Variants in HCN1 observed in about 807,000 individuals in gnomAD.
HCN1 encodes potassium/sodium hyperpolarization-activated cyclic nucleotide-gated channel 1.
Under a neutral mutation model 78.9 loss-of-function variants are expected in HCN1, and 13 were observed. The observed-to-expected ratio is 0.16, with a 90% CI of 0.11 to 0.26. The LOEUF (loss-of-function observed/expected upper bound fraction) is 0.26, where lower values mean the gene tolerates loss of function less well. Ranked by LOEUF, HCN1 falls within the 10% of genes least tolerant of loss-of-function variation. The pLI is 1.00. For missense variants in HCN1, 810 were observed against 1,154.3 expected, an observed-to-expected ratio of 0.70 and a Z score of 4.32; for synonymous variants, 552 against 455.5, an observed-to-expected ratio of 1.21 and a Z score of -2.70.
At chr5:45,576,030 G>A (rs899091093) in intron 2 of HCN1, 2 of 151,924 alleles carry the variant, frequency 1.3e-5, no homozygotes, top group African/African-American at 4.8e-5. Flanking sequence ...GATGGGAGGA[G>A]GTCAAAATAT....
chr5:45,609,574 A>T (rs182556545), intron 2 of HCN1, among the ~76,000 whole-genome samples: 27 of 152,210 alleles, frequency 1.8e-4, no homozygotes, highest in Admixed American at 1.6e-3. Context: ...TTGACCATAA[A>T]ACCTTAAAAA....
rs73101256 is a variant in HCN1, at chr5:45,509,816, A to C, written c.850-47809T>G. On this transcript the variant is annotated intron_variant, in intron 2 of 7. Coordinates refer to ENST00000303230, the MANE Select transcript of HCN1 (RefSeq NM_021072.4). ...AAATACATTTTGTTGTGGAACAAGT[A>C]ATTATTCTTCAGGCCTCACATGGCC... Among the ~76,000 whole-genome samples, 1,313 of 152,238 alleles carry C rather than the reference A, an allele frequency of 8.6e-3. 26 individuals carry two copies. The highest frequency in any genetic ancestry group is 0.031 in the African/African-American group (1,286 of 41,546).
intron 4 of HCN1, among the ~76,000 whole-genome samples, chr5:45,393,399 T>C (rs890889068): frequency 6.6e-6 from 1 of 152,094 alleles, no homozygotes; most frequent in Non-Finnish European, 1.5e-5. Context: ...TGTAGTAGTA[T>C]AAAAAACCAA....
intron 5 of HCN1, among the ~76,000 whole-genome samples, chr5:45,321,837 G>A (rs1277168183): frequency 6.6e-6 from 1 of 151,824 alleles, no homozygotes; most frequent in Non-Finnish European, 1.5e-5. Context: ...GCTGTGCAAA[G>A]ATAACTGCTT....
intron 3 of HCN1, among the ~76,000 whole-genome samples, chr5:45,417,951 T>C (rs1740151129): frequency 6.6e-6 from 1 of 151,790 alleles, no homozygotes; most frequent in African/African-American, 2.4e-5. Flanking sequence ...AATATACTGA[T>C]ATATATTTTT....
intron 1 of HCN1, among the ~76,000 whole-genome samples, chr5:45,683,025 G>A (rs1199801728): frequency 7.2e-5 from 11 of 151,906 alleles, no homozygotes; most frequent in Admixed American, 5.9e-4. Context: ...AGTCTTTAGT[G>A]TCATATGGTG....
chr5:45,606,570 C>T (rs1324114987), intron 2 of HCN1, among the ~76,000 whole-genome samples: 1 of 151,788 alleles, frequency 6.6e-6, no homozygotes, highest in African/African-American at 2.4e-5. Context: ...CTCAATATCT[C>T]AAAGTACAGG....
chr5:45,515,328 C>A (rs1742496578), intron 2 of HCN1, among the ~76,000 whole-genome samples: 1 of 151,802 alleles, frequency 6.6e-6, no homozygotes, highest in Non-Finnish European at 1.5e-5. Context: ...ACTAGGAAAC[C>A]TAAAAAACTT....
chr5:45,670,609 C>T lies in HCN1; in HGVS notation c.426-25001G>A, dbSNP rs149025158. Among the ~76,000 whole-genome samples, 880 of 151,792 alleles carry T rather than the reference C, an allele frequency of 5.8e-3. 41 individuals carry two copies. The highest frequency in any genetic ancestry group is 0.055 in the Admixed American group (829 of 15,178). Reference sequence around the variant, plus strand: ...ATGCCCCTACACTATTTTAATCTAACGAAGTCTCAATTTACTCTGCTGTAA... The same window carrying T: ...ATGCCCCTACACTATTTTAATCTAATGAAGTCTCAATTTACTCTGCTGTAA... On this transcript the variant is annotated intron_variant, in intron 1 of 7. Transcript: ENST00000303230.
intron 2 of HCN1, among the ~76,000 whole-genome samples, chr5:45,523,737 T>C (rs1022653139): frequency 2.6e-5 from 4 of 152,158 alleles, no homozygotes; most frequent in African/African-American, 7.2e-5. Flanking sequence ...TTTCTTTGAG[T>C]TCATTGTAGA....
At chr5:45,661,342 A>G (rs1188243407) in intron 1 of HCN1, among the ~76,000 whole-genome samples, 2 of 149,630 alleles carry the variant, frequency 1.3e-5, no homozygotes, top group African/African-American at 5.0e-5. Flanking sequence ...AATGCCTACA[A>G]GAGAAAGCAG....
At chr5:45,491,174 A>G (rs998151719) in intron 2 of HCN1, among the ~76,000 whole-genome samples, 6 of 152,166 alleles carry the variant, frequency 3.9e-5, no homozygotes, top group Non-Finnish European at 7.4e-5. Flanking sequence ...ATTAACATGT[A>G]TTGCCCTAGA....
At chr5:45,352,751 G>T (rs192316464) in intron 5 of HCN1, among the ~76,000 whole-genome samples, 28 of 151,988 alleles carry the variant, frequency 1.8e-4, no homozygotes, top group African/African-American at 6.3e-4. Flanking sequence ...AGATGATCCA[G>T]GAAAGTGAAG....
At chr5:45,650,966 A>T (rs1006319596) in intron 1 of HCN1, among the ~76,000 whole-genome samples, 1 of 152,148 alleles carries the variant, frequency 6.6e-6, no homozygotes, top group African/African-American at 2.4e-5. Flanking sequence ...AGATTTAAAT[A>T]ATCGTCATAC....
intron 1 of HCN1, among the ~76,000 whole-genome samples, chr5:45,658,697 G>A (rs983251716): frequency 1.3e-4 from 20 of 151,636 alleles, no homozygotes; most frequent in South Asian, 8.4e-4. Context: ...GGTGAGGGAC[G>A]CACCTGGAAA....
At chr5:45,437,673 C>T (rs1740583642) in intron 3 of HCN1, among the ~76,000 whole-genome samples, 1 of 152,100 alleles carries the variant, frequency 6.6e-6, no homozygotes, top group South Asian at 2.1e-4. Context: ...AGAGAAATGG[C>T]TTGGAAGCTT....
chr5:45,531,455 C>T (rs906382652), intron 2 of HCN1, among the ~76,000 whole-genome samples: 3 of 152,136 alleles, frequency 2.0e-5, no homozygotes, highest in African/African-American at 4.8e-5. Flanking sequence ...TTATCTTTGT[C>T]CATAAATCTG....
At chr5:45,309,393 C>G (rs1190905029) in intron 5 of HCN1, among the ~76,000 whole-genome samples, 1 of 152,052 alleles carries the variant, frequency 6.6e-6, no homozygotes, top group East Asian at 1.9e-4. Flanking sequence ...GCCAGAACTT[C>G]CAATACTATG....
intron 5 of HCN1, among the ~76,000 whole-genome samples, chr5:45,349,060 T>C (rs968599430): frequency 3.3e-5 from 5 of 152,120 alleles, no homozygotes; most frequent in African/African-American, 9.6e-5. Flanking sequence ...CCCAAATCAA[T>C]AGAATATACA....
Sources: gnomAD v4.1 joint callset for allele counts (sites outside exome capture counted in the v4.1 genomes callset) on GRCh38, gnomAD v4.1.1 for gene constraint, MANE v1.5 for transcripts, NCBI Gene and HGNC (gene_info 2026-07-23, HGNC 2026-07-21) for gene names.